The following NALF1 variants were observed in gnomAD, a reference collection of about 807,000 sequenced individuals.
NALF1 encodes NALCN channel auxiliary factor 1, also known as family with sequence similarity 155 member A.
NALF1 carries 3 observed loss-of-function variants against 48.4 expected under a neutral mutation model. That is an observed-to-expected ratio of 0.06 (90% CI 0.03 to 0.16). The LOEUF (loss-of-function observed/expected upper bound fraction) is 0.16, where lower values mean the gene tolerates loss of function less well. NALF1 is among the 10% of genes least tolerant of loss of function. The pLI is 1.00. For synonymous variants in NALF1, 262 were observed against 245.7 expected (o/e 1.07, Z -0.62); for missense variants, 526 against 571.5 (o/e 0.92, Z 0.81).
At chr13:107,775,167 C>T (rs1458490481) in intron 1 of NALF1, among the ~76,000 whole-genome samples, 2 of 151,988 alleles carry the variant, frequency 1.3e-5, no homozygotes, top group Admixed American at 1.3e-4. Context: ...AATTCGTCAT[C>T]TAGCATTAGG....
chr13:107,276,277 A>G (rs2138868487), intron 1 of NALF1, among the ~76,000 whole-genome samples: 1 of 152,254 alleles, frequency 6.6e-6, no homozygotes, highest in African/African-American at 2.4e-5. Flanking sequence ...ACATTTTCTG[A>G]TGTCCAGAAT....
intron 1 of NALF1, among the ~76,000 whole-genome samples, chr13:107,555,025 G>A (rs1401045269): frequency 6.6e-6 from 1 of 152,044 alleles, no homozygotes; most frequent in African/African-American, 2.4e-5. Flanking sequence ...AGGTAAAAAA[G>A]GCAAGGTTGT....
At chr13:107,522,065 A>G (rs1172781229) in intron 1 of NALF1, among the ~76,000 whole-genome samples, 2 of 152,136 alleles carry the variant, frequency 1.3e-5, no homozygotes, top group Non-Finnish European at 2.9e-5. Flanking sequence ...AAAAGGAGAC[A>G]ATTAGAGATA....
chr13:107,285,286 A>G (rs1363415477), intron 1 of NALF1, among the ~76,000 whole-genome samples: 1 of 152,204 alleles, frequency 6.6e-6, no homozygotes, highest in Non-Finnish European at 1.5e-5. Context: ...TATGCCCTAG[A>G]TATATGGGTG....
chr13:107,575,427 T>A (rs1454275074), intron 1 of NALF1, among the ~76,000 whole-genome samples: 1 of 152,126 alleles, frequency 6.6e-6, no homozygotes, highest in Non-Finnish European at 1.5e-5. Context: ...CAGGGCACCA[T>A]CCCATGAGCC....
At chr13:107,252,265 A>T (rs1424377418) in intron 1 of NALF1, among the ~76,000 whole-genome samples, 1 of 152,170 alleles carries the variant, frequency 6.6e-6, no homozygotes, top group Non-Finnish European at 1.5e-5. Flanking sequence ...CTGTTGGCAA[A>T]GAGTCACGGT....
intron 1 of NALF1, among the ~76,000 whole-genome samples, chr13:107,434,776 A>G (rs1177507326): frequency 6.6e-6 from 1 of 152,186 alleles, no homozygotes; most frequent in African/African-American, 2.4e-5. Context: ...TGCAGAGAAT[A>G]TTTTATCTCT....
intron 1 of NALF1, among the ~76,000 whole-genome samples, chr13:107,376,086 A>T (rs988780457): frequency 1.3e-5 from 2 of 152,166 alleles, no homozygotes; most frequent in Non-Finnish European, 2.9e-5. Flanking sequence ...GCCAGACCTC[A>T]TCATTTGGAC....
chr13:107,663,661 C>T (rs1462457160), intron 1 of NALF1, among the ~76,000 whole-genome samples: 5 of 152,168 alleles, frequency 3.3e-5, no homozygotes, highest in Non-Finnish European at 7.4e-5. Context: ...TGTTTCAGAA[C>T]TTAGAAAACA....
At chr13:107,179,320 T>C (rs1442556155) in intron 2 of NALF1, among the ~76,000 whole-genome samples, 1 of 152,102 alleles carries the variant, frequency 6.6e-6, no homozygotes, top group East Asian at 1.9e-4. Context: ...ATTAAAACGA[T>C]TGAACTCATG....
intron 1 of NALF1, among the ~76,000 whole-genome samples, chr13:107,803,492 A>T (rs1878683315): frequency 6.6e-6 from 1 of 152,162 alleles, no homozygotes; most frequent in Admixed American, 6.6e-5. Context: ...ATTCAGGGTC[A>T]AAATCATTAA....
In NALF1 at chr13:107,165,019, G is replaced by T. The variant is rs377520592; in HGVS notation, c.*5478C>A. On this transcript the variant is annotated 3_prime_UTR_variant, in exon 3 of 3. Transcript: ENST00000375915. ...GTATTCTTCTTGCATGAGGTGTCAC[G>T]TACAAATACATCATTGACCTCCCTG... 3.3e-5 allele frequency: 5 copies of T among 152,122 alleles called. No individual in the cohort carries two copies. In the East Asian group the frequency reaches 9.6e-4, roughly 29 times the overall value. 9.4% of individuals were successfully genotyped at this position (152,122 alleles called of 1,614,324 possible). A position where few individuals can be genotyped will look rare whatever the true frequency, so the allele number is the denominator to read the frequency against.
At chr13:107,677,346 G>C (rs1395227728) in intron 1 of NALF1, among the ~76,000 whole-genome samples, 1 of 152,128 alleles carries the variant, frequency 6.6e-6, no homozygotes, top group East Asian at 1.9e-4. Context: ...CCAGCCAATA[G>C]TACTTCTGAA....
chr13:107,184,798 C>G (rs1879138314), intron 2 of NALF1, among the ~76,000 whole-genome samples: 1 of 151,942 alleles, frequency 6.6e-6, no homozygotes, highest in African/African-American at 2.4e-5. Flanking sequence ...TTTTTTATGT[C>G]AAGTATATTT....
At chr13:107,799,112 C>T (rs1878523336) in intron 1 of NALF1, among the ~76,000 whole-genome samples, 1 of 152,128 alleles carries the variant, frequency 6.6e-6, no homozygotes, top group South Asian at 2.1e-4. Flanking sequence ...CACTGTATAT[C>T]CACTGTCTTC....
chr13:107,591,967 C>A (rs985454304), intron 1 of NALF1, among the ~76,000 whole-genome samples: 69 of 151,768 alleles, frequency 4.5e-4, no homozygotes, highest in African/African-American at 1.6e-3. Flanking sequence ...TAACCACGTG[C>A]AAAAATTTTA....
Position 107,632,335 on chromosome 13 carries a change from A to T in NALF1, c.915+233347T>A, listed in dbSNP as rs566165371. ...TTCAACTCCTGTGTGATGCTTCTGG[A>T]TTCTGGTTTCTGAGGAAGGAAATAT... On this transcript the variant is annotated intron_variant, in intron 1 of 2. Transcript: ENST00000375915. Among the ~76,000 whole-genome samples the T allele has an allele frequency of 4.6e-5, 7 of 152,118 alleles. No homozygotes were observed. The East Asian group carries it at 1.4e-3, about 29-fold the overall frequency.
intron 1 of NALF1, among the ~76,000 whole-genome samples, chr13:107,817,994 G>C (rs567886989): frequency 6.6e-6 from 1 of 152,318 alleles, no homozygotes; most frequent in East Asian, 1.9e-4. Flanking sequence ...TTGCTTTCAA[G>C]GGGATATTTG....
At chr13:107,854,075 C>T (rs1047299885) in intron 1 of NALF1, among the ~76,000 whole-genome samples, 5 of 152,332 alleles carry the variant, frequency 3.3e-5, no homozygotes, top group African/African-American at 1.2e-4. Flanking sequence ...ATTTTATTCA[C>T]TCAGAGCTGA....
Sources: gnomAD v4.1 joint callset for allele counts (sites outside exome capture counted in the v4.1 genomes callset) on GRCh38, gnomAD v4.1.1 for gene constraint, MANE v1.5 for transcripts, NCBI Gene and HGNC (gene_info 2026-07-23, HGNC 2026-07-21) for gene names.